The following LIN28B variants were observed in gnomAD, a reference collection of about 807,000 sequenced individuals.
The protein encoded by LIN28B is lin-28 RNA binding posttranscriptional regulator B, also known as protein lin-28 homolog B.
In LIN28B, 5 loss-of-function variants were observed where a neutral mutation model predicts 21.9. That is an observed-to-expected ratio of 0.23 (90% confidence interval 0.12 to 0.48). LIN28B has a LOEUF of 0.48. Ranked by LOEUF, LIN28B falls within the 20% of genes least tolerant of loss-of-function variation. The pLI, the probability that LIN28B is intolerant of heterozygous loss-of-function variation, is 0.98. For missense variants in LIN28B, 245 were observed against 310.5 expected (o/e 0.79, Z 1.58); for synonymous variants, 109 against 111.3 (o/e 0.98, Z 0.13).
chr6:105,036,712 G>C (rs1372359045), intron 3 of LIN28B, among the ~76,000 whole-genome samples: 1 of 152,128 alleles, frequency 6.6e-6, no homozygotes, highest in African/African-American at 2.4e-5. Flanking sequence ...TTTTCTGATT[G>C]CTGATTATAA....
chr6:105,063,410 C>T (rs146675356), intron 3 of LIN28B, among the ~76,000 whole-genome samples: 14 of 152,214 alleles, frequency 9.2e-5, no homozygotes, highest in Admixed American at 2.6e-4. Context: ...CCGAGAAGGG[C>T]GGATCACTTG....
chr6:105,011,987 A>C (rs1361601272), intron 2 of LIN28B, among the ~76,000 whole-genome samples: 2 of 151,716 alleles, frequency 1.3e-5, no homozygotes, highest in Non-Finnish European at 2.9e-5. Context: ...GTGAAACCCC[A>C]TCTCTACTAA....
chr6:104,938,781 T>C (rs1469952456), intron 2 of LIN28B, among the ~76,000 whole-genome samples: 2 of 152,194 alleles, frequency 1.3e-5, no homozygotes, highest in African/African-American at 2.4e-5. Context: ...ATGTTCATCA[T>C]CGCCCCTTTC....
rs928685899 is a variant in LIN28B, at chr6:104,959,201, G to A, written c.198+915G>A. 3.9e-5 allele frequency among the ~76,000 whole-genome samples: 6 copies of A among 152,112 alleles called. No individual in the cohort carries two copies. The Middle Eastern group carries it at 0.01, about 259-fold the overall frequency. ...AAAGATACTTTTATGGAAGCCGGTT[G>A]TTTCCTCAAAAAAAGGTAAATATAA... is the stretch of plus-strand genomic sequence containing the variant. On this transcript the variant is annotated intron_variant, in intron 2 of 3. Transcript: ENST00000345080.
chr6:105,034,901 C>T (rs1030474998), intron 3 of LIN28B, among the ~76,000 whole-genome samples: 2 of 151,998 alleles, frequency 1.3e-5, no homozygotes, highest in South Asian at 2.1e-4. Flanking sequence ...TGTAAATTCA[C>T]ATTTCTTTAT....
At chr6:104,975,645 GC>G (rs1770074686) in intron 2 of LIN28B, among the ~76,000 whole-genome samples, 1 of 151,742 alleles carries the variant, frequency 6.6e-6, no homozygotes, top group African/African-American at 2.4e-5. Context: ...CAAGTACTGT[GC>G]TTTTTTTTTC....
intron 2 of LIN28B, among the ~76,000 whole-genome samples, chr6:105,023,163 G>A (rs1232607481): frequency 1.6e-5 from 2 of 126,720 alleles, no homozygotes; most frequent in Non-Finnish European, 3.2e-5. Flanking sequence ...AGAGTATTCT[G>A]TGTGAATTCT....
At chr6:104,958,870 G>A (rs138802604) in intron 2 of LIN28B, among the ~76,000 whole-genome samples, 45 of 152,212 alleles carry the variant, frequency 3.0e-4, no homozygotes, top group Admixed American at 9.2e-4. Context: ...TGCAATAGAG[G>A]GATGCTTGAT....
intron 2 of LIN28B, among the ~76,000 whole-genome samples, chr6:104,991,423 G>A (rs1274640467): frequency 6.6e-6 from 1 of 151,516 alleles, no homozygotes; most frequent in Non-Finnish European, 1.5e-5. Flanking sequence ...CGGGGCGGCG[G>A]GGCAGAGGTG....
chr6:105,016,446 T>A (rs911620126), intron 2 of LIN28B, among the ~76,000 whole-genome samples: 3 of 152,162 alleles, frequency 2.0e-5, no homozygotes, highest in Non-Finnish European at 4.4e-5. Flanking sequence ...TGAGGGACAT[T>A]TGAAATATTC....
chr6:104,987,433 T>G (rs1420658230), intron 2 of LIN28B, among the ~76,000 whole-genome samples: 2 of 152,156 alleles, frequency 1.3e-5, no homozygotes, highest in Admixed American at 6.5e-5. Flanking sequence ...AACCTCAAAC[T>G]CTTGGGCTCA....
intron 2 of LIN28B, among the ~76,000 whole-genome samples, chr6:104,963,591 G>T (rs903527327): frequency 6.6e-6 from 1 of 152,126 alleles, no homozygotes; most frequent in Non-Finnish European, 1.5e-5. Context: ...TTAAAGAGCA[G>T]TTTTAGGTTC....
At chr6:104,987,638 A>G (rs1770374093) in intron 2 of LIN28B, among the ~76,000 whole-genome samples, 1 of 152,068 alleles carries the variant, frequency 6.6e-6, no homozygotes, top group South Asian at 2.1e-4. Context: ...TTTATAAATT[A>G]TTATAAATAC....
intron 2 of LIN28B, among the ~76,000 whole-genome samples, chr6:105,002,104 G>A (rs971873582): frequency 6.6e-6 from 1 of 151,696 alleles, no homozygotes; most frequent in South Asian, 2.1e-4. Flanking sequence ...AAGATCCCCC[G>A]GGGCTTCCTG....
rs199967689 is a variant in LIN28B at position 105,010,192 on chromosome 6, C to CA, written c.199-16095dup. ...GCAACATGACGAAACCCCGTGTCTA[C>CA]AAAAAAAAAAACACACAAAAATTAG... On this transcript the variant is annotated intron_variant, in intron 2 of 3. Transcript: ENST00000345080. Among the ~76,000 whole-genome samples, 1,352 of 139,514 alleles carry CA rather than the reference C, an allele frequency of 9.7e-3. 6 individuals are homozygous for CA. The highest frequency in any genetic ancestry group is 0.013 in the Non-Finnish European group (828 of 63,678). The allele number at this position is 139,514 out of a possible 152,430, so 91.5% of individuals were successfully genotyped here. A position where few individuals can be genotyped will look rare whatever the true frequency, so the allele number is the denominator to read the frequency against.
At chr6:105,051,616 C>T (rs1409503095) in intron 3 of LIN28B, among the ~76,000 whole-genome samples, 2 of 151,746 alleles carry the variant, frequency 1.3e-5, no homozygotes, top group Non-Finnish European at 2.9e-5. Flanking sequence ...TCCATGAGAA[C>T]AAGGATCTGG....
intron 3 of LIN28B, 113 bp from the exon 4 acceptor site, chr6:105,078,301 G>A (rs1772474547): frequency 1.1e-6 from 1 of 939,446 alleles, no homozygotes; most frequent in African/African-American, 1.6e-5. Context: ...TTTTAAGAAG[G>A]CACATTAAAA....
At chr6:105,024,190 C>T (rs1284235430) in intron 2 of LIN28B, among the ~76,000 whole-genome samples, 2 of 152,076 alleles carry the variant, frequency 1.3e-5, no homozygotes, top group African/African-American at 2.4e-5. Context: ...CGGGGTTTTG[C>T]CACGTTGGCC....
chr6:105,078,931 C>G lies in LIN28B; in HGVS notation c.*148C>G, dbSNP rs1772486493. 4 of 827,192 alleles carry G rather than the reference C, an allele frequency of 4.8e-6. No homozygotes were observed. In the Admixed American group the frequency reaches 1.1e-4, roughly 23 times the overall value. The allele number at this position is 827,192 out of a possible 1,614,324, so 51.2% of individuals were successfully genotyped here. A position where few individuals can be genotyped will look rare whatever the true frequency, so the allele number is the denominator to read the frequency against. On this transcript the variant is annotated 3_prime_UTR_variant, in exon 4 of 4. Transcript: ENST00000345080. ...GAATTTTTTAAACAGACAAATCACT[C>G]TAAGCAAATTACATTTGAGCAGGGT...
Sources: allele counts gnomAD v4.1 joint callset (sites outside exome capture counted in the v4.1 genomes callset), GRCh38; gene constraint gnomAD v4.1.1; transcripts MANE v1.5; gene names NCBI Gene and HGNC (gene_info 2026-07-23, HGNC 2026-07-21).